The following EREG variants were observed in gnomAD, a reference collection of about 807,000 sequenced individuals.
EREG encodes the protein proepiregulin.
A neutral mutation model predicts 22.4 loss-of-function variants in EREG; 23 were observed. That is an observed-to-expected ratio of 1.03 (90% CI 0.74 to 1.46). The LOEUF (loss-of-function observed/expected upper bound fraction) is 1.46, where lower values mean the gene tolerates loss of function less well. Among genes scored for constraint, EREG ranks in the 40% most tolerant of loss-of-function variants. The pLI is 0.00. For missense variants in EREG, 226 were observed against 205.9 expected (o/e 1.10, Z -0.60); for synonymous variants, 100 against 75.4 (o/e 1.33, Z -1.69).
intron 3 of EREG, chr4:74,382,324 A>G (rs1054527964): frequency 2.2e-4 from 44 of 197,248 alleles, no homozygotes; most frequent in Admixed American, 2.3e-4. Context: ...CAGACAAACA[A>G]ACAAAAAAAG....
Position 74,386,101 on chromosome 4 carries a change from TCA to T in EREG, c.*1294_*1295del. ...CTTCTGCACTCTGAGCCCATAGGTC[TCA>T]GAGAGTTAATAGGAGTATTTTTGGG... On this transcript the variant is annotated 3_prime_UTR_variant, in exon 5 of 5. Coordinates refer to ENST00000244869, the MANE Select transcript of EREG (RefSeq NM_001432.3). The T allele has an allele frequency of 3.2e-6, 1 of 313,630 alleles. No individual in the cohort carries two copies. Among genetic ancestry groups the T allele is most frequent in the African/African-American group, 2.1e-5 (1 of 47,106 alleles). The allele number at this position is 313,630 out of a possible 1,614,324, so 19.4% of individuals were successfully genotyped here.
intron 1 of EREG, among the ~76,000 whole-genome samples, chr4:74,373,111 A>T (rs1433273726): frequency 6.7e-6 from 1 of 149,758 alleles, no homozygotes; most frequent in African/African-American, 2.5e-5. Context: ...AAGAGTTGGT[A>T]TGTATTCTCC....
At position 74,388,194 on chromosome 4, in the gene EREG, C is replaced by A. The variant is rs927873304; in HGVS notation, c.*3386C>A. 7 of 152,090 alleles carry A rather than the reference C, an allele frequency of 4.6e-5. No homozygotes were observed. Among genetic ancestry groups the A allele is most frequent in the Non-Finnish European group, 7.4e-5 (5 of 68,006 alleles). 9.4% of individuals were successfully genotyped at this position (152,090 alleles called of 1,614,324 possible). On this transcript the variant is annotated 3_prime_UTR_variant, in exon 5 of 5. Transcript: ENST00000244869. Reference sequence around the variant, plus strand: ...GCAGTTTTTAAAAACCTGTATCTGACCCACTTTGTAATTTTTGCTCCAATA... The same window carrying A: ...GCAGTTTTTAAAAACCTGTATCTGAACCACTTTGTAATTTTTGCTCCAATA...
intron 1 of EREG, among the ~76,000 whole-genome samples, chr4:74,378,331 TCCAA>T (rs759399137): frequency 2.0e-5 from 3 of 152,144 alleles, no homozygotes; most frequent in Non-Finnish European, 4.4e-5. Context: ...AACGAAAATG[TCCAA>T]CCGACTAAAC....
chr4:74,382,526 T>C (rs910996418), intron 3 of EREG, 119 bp from the exon 4 acceptor site: 55 of 723,600 alleles, frequency 7.6e-5, no homozygotes, highest in Non-Finnish European at 1.2e-4. Flanking sequence ...TTTACAATCT[T>C]TAGCAAATTT....
intron 2 of EREG, among the ~76,000 whole-genome samples, chr4:74,380,394 A>G (rs189535159): frequency 1.3e-3 from 193 of 152,306 alleles, no homozygotes; most frequent in South Asian, 5.2e-3. Context: ...AATTTTACAC[A>G]AAGGCTCCTA....
chr4:74,380,419 A>G (rs949557938), intron 2 of EREG, among the ~76,000 whole-genome samples: 3 of 152,038 alleles, frequency 2.0e-5, no homozygotes, highest in African/African-American at 7.2e-5. Context: ...CATTGCTGTT[A>G]TTTGTCTACC....
chr4:74,367,882 G>C (rs1330284455), intron 1 of EREG, among the ~76,000 whole-genome samples: 2 of 152,214 alleles, frequency 1.3e-5, no homozygotes, highest in Admixed American at 6.5e-5. Context: ...CCAAATCCAG[G>C]AGTTGAGAAG....
chr4:74,376,125 A>G (rs981478314), intron 1 of EREG, among the ~76,000 whole-genome samples: 1 of 152,220 alleles, frequency 6.6e-6, no homozygotes, highest in Non-Finnish European at 1.5e-5. Flanking sequence ...TGGAAAAACT[A>G]ACAACTACTA....
intron 1 of EREG, among the ~76,000 whole-genome samples, chr4:74,368,422 G>T (rs1197002928): frequency 6.6e-6 from 1 of 151,946 alleles, no homozygotes; most frequent in Admixed American, 6.6e-5. Flanking sequence ...CAATAAAGAG[G>T]GTAACTTATG....
rs1018391638 is a variant in EREG, at chr4:74,387,794, A to G, written c.*2986A>G. 1.3e-5 allele frequency: 2 copies of G among 152,208 alleles called. No individual in the cohort carries two copies. Among genetic ancestry groups the G allele is most frequent in the African/African-American group, 4.8e-5 (2 of 41,448 alleles). 9.4% of individuals were successfully genotyped at this position (152,208 alleles called of 1,614,324 possible). A position where few individuals can be genotyped will look rare whatever the true frequency, so the allele number is the denominator to read the frequency against. On this transcript the variant is annotated 3_prime_UTR_variant, in exon 5 of 5. Transcript: ENST00000244869. Reference sequence around the variant, plus strand: ...AGCAACCACAAATGCATAAATGCATAATTTATGGTCTTCAACCAAGGCCAC... The same window carrying G: ...AGCAACCACAAATGCATAAATGCATGATTTATGGTCTTCAACCAAGGCCAC...
intron 1 of EREG, among the ~76,000 whole-genome samples, chr4:74,374,782 C>T (rs1270577494): frequency 6.6e-6 from 1 of 151,974 alleles, no homozygotes; most frequent in African/African-American, 2.4e-5. Flanking sequence ...GATTTGTATC[C>T]TCTGAGTCAC....
chr4:74,366,956 A>G (rs1752196587), intron 1 of EREG, among the ~76,000 whole-genome samples: 1 of 152,198 alleles, frequency 6.6e-6, no homozygotes, highest in Admixed American at 6.5e-5. Context: ...AACTCTATTC[A>G]GTTATGCAGA....
chr4:74,379,397 A>G, intron 1 of EREG, 51 bp from the exon 2 acceptor site: 1 of 1,136,596 alleles, frequency 8.8e-7, no homozygotes, highest in Non-Finnish European at 1.3e-6. Flanking sequence ...TTTGATCAAG[A>G]TTTCTTTCCT....
At chr4:74,370,492 T>C (rs1403406665) in intron 1 of EREG, among the ~76,000 whole-genome samples, 1 of 152,160 alleles carries the variant, frequency 6.6e-6, no homozygotes, top group Non-Finnish European at 1.5e-5. Flanking sequence ...AAGTAACAGT[T>C]TTGGAAAATT....
chr4:74,367,839 G>C (rs1752212644), intron 1 of EREG, among the ~76,000 whole-genome samples: 1 of 152,138 alleles, frequency 6.6e-6, no homozygotes, highest in Admixed American at 6.5e-5. Context: ...TGAGCAGCTT[G>C]GGTAATTGGG....
chr4:74,375,027 G>A (rs911424675), intron 1 of EREG, among the ~76,000 whole-genome samples: 2 of 152,082 alleles, frequency 1.3e-5, no homozygotes, highest in African/African-American at 4.8e-5. Flanking sequence ...AAATTCCTCT[G>A]TATCTTAGTT....
At chr4:74,369,168 C>A (rs1486700916) in intron 1 of EREG, among the ~76,000 whole-genome samples, 1 of 152,100 alleles carries the variant, frequency 6.6e-6, no homozygotes, top group Non-Finnish European at 1.5e-5. Context: ...ATTTCAGTAG[C>A]ATTTGGGGTA....
chr4:74,381,286 C>A (rs560051193), intron 3 of EREG, 149 bp downstream of exon 3: 3 of 630,842 alleles, frequency 4.8e-6, no homozygotes, highest in South Asian at 2.2e-5. Context: ...TGCATGGAAC[C>A]CATTAGGTAA....
Sources: allele counts gnomAD v4.1 joint callset (sites outside exome capture counted in the v4.1 genomes callset), GRCh38; gene constraint gnomAD v4.1.1; transcripts MANE v1.5; gene names NCBI Gene and HGNC (gene_info 2026-07-23, HGNC 2026-07-21).